The following ARID3A variants were observed in gnomAD, a reference collection of about 807,000 sequenced individuals.
The protein encoded by ARID3A is AT-rich interactive domain-containing protein 3A.
Under a neutral mutation model 52.7 loss-of-function variants are expected in ARID3A, and 11 were observed. The ratio of observed to expected loss-of-function variants is 0.21; its 90% CI spans 0.13 to 0.35. ARID3A has a LOEUF of 0.35. ARID3A is among the 10% of genes least tolerant of loss of function. ARID3A has a pLI of 1.00. For synonymous variants in ARID3A, 404 were observed against 359.4 expected, an observed-to-expected ratio of 1.12 and a Z score of -1.40; for missense variants, 721 against 838.5, an observed-to-expected ratio of 0.86 and a Z score of 1.73.
intron 3 of ARID3A, among the ~76,000 whole-genome samples, chr19:934,914 G>A (rs1385720629): frequency 1.3e-5 from 2 of 152,188 alleles, no homozygotes; most frequent in Non-Finnish European, 2.9e-5. Context: ...AGCCAGTCCT[G>A]GGATCTTATC....
chr19:947,712 C>T lies in ARID3A; in HGVS notation c.694-12380C>T, dbSNP rs118007399. 9.9e-4 allele frequency among the ~76,000 whole-genome samples: 151 copies of T among 152,284 alleles called. 1 individual carries two copies. The East Asian group carries it at 0.015, about 15-fold the overall frequency. ...TTCACCACGCCAGCTTCCCGGGCCG[C>T]GCTTCATTGTCATTTCTGGAGAGTG... On this transcript the variant is annotated intron_variant, in intron 3 of 8. Transcript: ENST00000263620. This position sits in a 1 kb window ranked among gnomAD's most constrained non-coding sequence, Gnocchi z 6.3.
intron 8 of ARID3A, among the ~76,000 whole-genome samples, chr19:970,874 C>T (rs768334185): frequency 6.2e-4 from 94 of 152,252 alleles, no homozygotes; most frequent in Middle Eastern, 3.4e-3. Context: ...GGCCCCCGCC[C>T]GGCTGTGGTC....
At chr19:939,129 T>C (rs202185875) in intron 3 of ARID3A, among the ~76,000 whole-genome samples, 5 of 134,584 alleles carry the variant, frequency 3.7e-5, no homozygotes, top group Non-Finnish European at 4.7e-5. Context: ...TTATTTATTA[T>C]TATTATTTTA....
At chr19:971,108 A>G (rs1477106913) in intron 8 of ARID3A, among the ~76,000 whole-genome samples, 2 of 152,200 alleles carry the variant, frequency 1.3e-5, no homozygotes, top group South Asian at 2.1e-4. Context: ...GCATGTGTGG[A>G]TTAAACACAC....
intron 3 of ARID3A, among the ~76,000 whole-genome samples, chr19:940,962 G>A (rs972215662): frequency 2.6e-5 from 4 of 152,094 alleles, no homozygotes; most frequent in Non-Finnish European, 4.4e-5. Flanking sequence ...GCCCCGGCCC[G>A]TGCCCGTGCC....
chr19:937,699 CTTTTTTTTTTTT>C (rs951435776), intron 3 of ARID3A, among the ~76,000 whole-genome samples: 5 of 90,796 alleles, frequency 5.5e-5, no homozygotes, highest in South Asian at 4.1e-4. Context: ...TTATTGTCGA[CTTTTTTTTTTTT>C]TTTTTTTTTT....
At chr19:970,524 T>G (rs2038255909) in intron 8 of ARID3A, among the ~76,000 whole-genome samples, 1 of 137,104 alleles carries the variant, frequency 7.3e-6, no homozygotes, top group Non-Finnish European at 1.6e-5. Context: ...TTTTTTTTTT[T>G]TGAGACAGAG....
intron 3 of ARID3A, among the ~76,000 whole-genome samples, chr19:950,694 G>A (rs349306): frequency 0.87 from 131,757 of 152,250 alleles, 57,187 homozygotes; most frequent in Middle Eastern, 0.96. Context: ...TGGTCCCTCC[G>A]ACCTTGGAGG....
chr19:954,370 GAAGT>G (rs2037870548), intron 3 of ARID3A, among the ~76,000 whole-genome samples: 1 of 152,254 alleles, frequency 6.6e-6, no homozygotes, highest in Non-Finnish European at 1.5e-5. Flanking sequence ...CCCACAGCAG[GAAGT>G]GGACAGAGGG....
At chr19:954,647 G>C (rs545377625) in intron 3 of ARID3A, among the ~76,000 whole-genome samples, 1 of 152,110 alleles carries the variant, frequency 6.6e-6, no homozygotes, top group South Asian at 2.1e-4. Flanking sequence ...CCGTGAGGCC[G>C]GTGGTCGGTA....
chr19:940,153 C>T (rs1289588310), intron 3 of ARID3A, among the ~76,000 whole-genome samples: 1 of 152,062 alleles, frequency 6.6e-6, no homozygotes, highest in East Asian at 1.9e-4. Flanking sequence ...CAGGGCAGGG[C>T]CTGCCTCTGG....
intron 3 of ARID3A, among the ~76,000 whole-genome samples, chr19:958,786 G>A (rs1410727993): frequency 1.3e-5 from 2 of 151,606 alleles, no homozygotes; most frequent in East Asian, 2.0e-4. Flanking sequence ...CCAGCTACTC[G>A]GGAGGCTGAG....
At chr19:939,784 G>C (rs138761736) in intron 3 of ARID3A, among the ~76,000 whole-genome samples, 14 of 152,248 alleles carry the variant, frequency 9.2e-5, no homozygotes, top group Admixed American at 2.6e-4. Flanking sequence ...TTTCCCTGTT[G>C]TAAGCAATAC....
At chr19:930,762 G>A (rs896620538) in intron 2 of ARID3A, among the ~76,000 whole-genome samples, 9 of 151,270 alleles carry the variant, frequency 5.9e-5, no homozygotes, top group Admixed American at 1.3e-4. Flanking sequence ...GCCTGCCTTG[G>A]CCTCCCAAAG....
Position 972,243 on chromosome 19 carries a change from AT to A in ARID3A, c.*179del, listed in dbSNP as rs2038294131. 3 of 213,680 alleles carry A rather than the reference AT, an allele frequency of 1.4e-5. No homozygotes were observed. Among genetic ancestry groups the A allele is most frequent in the Non-Finnish European group, 2.8e-5 (3 of 107,750 alleles). The allele number at this position is 213,680 out of a possible 1,614,324, so 13.2% of individuals were successfully genotyped here. A position where few individuals can be genotyped will look rare whatever the true frequency, so the allele number is the denominator to read the frequency against. On this transcript the variant is annotated 3_prime_UTR_variant, in exon 9 of 9. Transcript: ENST00000263620. The stretch of plus-strand genomic sequence containing the variant: ...AAAAGATATATATATATATATATAT[AT>A]ATACACGTATATATATAAAGAGAAT...
intron 3 of ARID3A, among the ~76,000 whole-genome samples, chr19:935,271 C>T (rs1164504933): frequency 1.3e-5 from 2 of 152,218 alleles, no homozygotes; most frequent in Admixed American, 6.5e-5. Flanking sequence ...GGGGGCCGGG[C>T]GCAGCAGGCT....
rs2038022061 is a variant in ARID3A at position 960,670 on chromosome 19, A to G, written c.766+506A>G. ...GAGTCCTGGCCCCTCCCCTCTTCCC[A>G]CCAGGGCCTCAGTTTCCCCATCTGT... On this transcript the variant is annotated intron_variant, in intron 4 of 8. Coordinates refer to ENST00000263620, the MANE Select transcript of ARID3A (RefSeq NM_005224.3). This position sits in a 1 kb window ranked among gnomAD's most constrained non-coding sequence, Gnocchi z 4.3. 1.3e-5 allele frequency among the ~76,000 whole-genome samples: 2 copies of G among 152,074 alleles called. No homozygotes were observed. The highest frequency in any genetic ancestry group is 1.9e-4 in the East Asian group (1 of 5,180).
Position 932,687 on chromosome 19 carries a change from C to T in ARID3A, c.638C>T (p.Pro213Leu), listed in dbSNP as rs538210190. The T allele has an allele frequency of 1.6e-5, 25 of 1,546,966 alleles. No homozygotes were observed. Among genetic ancestry groups the T allele is most frequent in the Middle Eastern group, 4.3e-4 (2 of 4,608 alleles). Reference protein sequence around the residue: ...AHPGGAAHVAPQLQPPDHGDW... With the variant: ...AHPGGAAHVALQLQPPDHGDW... The stretch of plus-strand genomic sequence containing the variant: ...CCCGGAGGGGCCGCCCACGTAGCCC[C>T]GCAGCTGCAGCCGCCTGACCACGGC... The change falls in exon 3 of 9, where the codon CCG (proline) becomes CTG (leucine). Residue 213 changes from proline to leucine, a missense_variant. Coordinates refer to ENST00000263620, the MANE Select transcript of ARID3A (RefSeq NM_005224.3).
At chr19:936,065 A>C (rs867756734) in intron 3 of ARID3A, among the ~76,000 whole-genome samples, 18 of 149,830 alleles carry the variant, frequency 1.2e-4, no homozygotes, top group South Asian at 4.3e-4. Flanking sequence ...GCTGGGATTA[A>C]AGGCGTGAGC....
Sources: allele counts gnomAD v4.1 joint callset (sites outside exome capture counted in the v4.1 genomes callset), GRCh38; gene constraint gnomAD v4.1.1; non-coding constraint Gnocchi (gnomAD v3.1); transcripts MANE v1.5; gene names NCBI Gene and HGNC (gene_info 2026-07-23, HGNC 2026-07-21).